AHCYL2: variants seen among roughly 807,000 people sequenced by gnomAD.
AHCYL2 encodes adenosylhomocysteinase like 2, also known as S-adenosylhomocysteine hydrolase-like protein 2.
A neutral mutation model predicts 81.4 loss-of-function variants in AHCYL2; 28 were observed. The observed-to-expected ratio is 0.34, with a 90% CI of 0.25 to 0.47. The LOEUF is 0.47. Ranked by LOEUF, AHCYL2 falls within the 20% of genes least tolerant of loss-of-function variation. The pLI, the probability that AHCYL2 is intolerant of heterozygous loss-of-function variation, is 1.00. For synonymous variants in AHCYL2, 272 were observed against 290.2 expected (o/e 0.94, Z 0.64); for missense variants, 551 against 785.1 (o/e 0.70, Z 3.56).
chr7:129,243,976 A>G (rs528544952), intron 1 of AHCYL2, among the ~76,000 whole-genome samples: 2 of 151,124 alleles, frequency 1.3e-5, no homozygotes, highest in South Asian at 2.1e-4. Flanking sequence ...ATTTTATTTT[A>G]TTTATTATTT....
At chr7:129,335,843 C>T (rs1472038875) in intron 1 of AHCYL2, among the ~76,000 whole-genome samples, 1 of 152,084 alleles carries the variant, frequency 6.6e-6, no homozygotes, top group East Asian at 1.9e-4. Flanking sequence ...GCATTACTTC[C>T]CCTGTACTGT....
intron 1 of AHCYL2, among the ~76,000 whole-genome samples, chr7:129,261,708 A>G (rs150010341): frequency 6.9e-4 from 105 of 152,192 alleles, no homozygotes; most frequent in African/African-American, 2.4e-3. Flanking sequence ...TTTTCCTTTG[A>G]AATTGAGAAA....
rs961009880 is a variant in AHCYL2, at chr7:129,225,206, C to G, written c.130C>G (p.Pro44Ala). The G allele has an allele frequency of 1.2e-5, 18 of 1,545,780 alleles. No individual in the cohort carries two copies. The highest frequency in any genetic ancestry group is 7.0e-5 in the African/African-American group (5 of 71,506). Residue 44 changes from proline (P) to alanine (A), a missense_variant, in exon 1 of 17, where the codon CCG becomes GCG. Pro to Ala is a conservative substitution (Grantham distance 27). This residue lies in a region of AHCYL2 where 235 missense variants were observed against 242.1 expected (regional missense o/e 0.97). Coordinates refer to ENST00000325006, the MANE Select transcript of AHCYL2 (RefSeq NM_015328.4). ...STAAVGAMAP[P>A]AGGGDPEAPA... is the part of the protein sequence containing the mutation. Reference sequence around the variant, plus strand: ...GGCCGCCGTGGGCGCCATGGCCCCCCCGGCGGGCGGTGGAGACCCTGAGGC... The same window carrying G: ...GGCCGCCGTGGGCGCCATGGCCCCCGCGGCGGGCGGTGGAGACCCTGAGGC...
At chr7:129,321,743 G>GTTTTTTTTTTTTTTTTTTTTTCTTTT in intron 1 of AHCYL2, among the ~76,000 whole-genome samples, 1 of 77,626 alleles carries the variant, frequency 1.3e-5, no homozygotes, top group African/African-American at 4.6e-5. Flanking sequence ...TTCTTTCTTT[G>GTTTTTTTTTTTTTTTTTTTTTCTTTT]TTTTTTTTTT....
intron 1 of AHCYL2, among the ~76,000 whole-genome samples, chr7:129,354,784 G>A (rs1272729487): frequency 6.6e-6 from 1 of 152,200 alleles, no homozygotes; most frequent in African/African-American, 2.4e-5. Flanking sequence ...ACTGCACTTA[G>A]AAGCAAAGTT....
In AHCYL2 at chr7:129,293,795, C is replaced by G. The variant is rs549662152; in HGVS notation, c.363+68356C>G. Among the ~76,000 whole-genome samples, 14 of 152,298 alleles carry G rather than the reference C, an allele frequency of 9.2e-5. No homozygotes were observed. In the South Asian group the frequency reaches 2.9e-3, roughly 32 times the overall value. On this transcript the variant is annotated intron_variant, in intron 1 of 16. Coordinates refer to ENST00000325006, the MANE Select transcript of AHCYL2 (RefSeq NM_015328.4). The stretch of plus-strand genomic sequence containing the variant: ...GTTCAAATATTTATAGCAGTAATCT[C>G]TTAACTGTCTTTTGGAATATAGTAT...
intron 1 of AHCYL2, among the ~76,000 whole-genome samples, chr7:129,347,664 T>TC (rs1281255772): frequency 1.9e-4 from 29 of 152,144 alleles, no homozygotes; most frequent in Non-Finnish European, 3.8e-4. Flanking sequence ...TTTACAGTGA[T>TC]AGTGAACAAT....
intron 1 of AHCYL2, among the ~76,000 whole-genome samples, chr7:129,226,468 T>C (rs1412788748): frequency 2.0e-5 from 3 of 152,230 alleles, no homozygotes; most frequent in Non-Finnish European, 4.4e-5. Context: ...GTAGACACAG[T>C]ATGGGCACAG....
At chr7:129,317,921 A>G (rs777332705) in intron 1 of AHCYL2, among the ~76,000 whole-genome samples, 12 of 151,842 alleles carry the variant, frequency 7.9e-5, no homozygotes, top group Non-Finnish European at 1.5e-4. Flanking sequence ...CTCTAGATAA[A>G]CAAAAATTTT....
At chr7:129,384,630 A>G (rs926726408) in intron 2 of AHCYL2, among the ~76,000 whole-genome samples, 5 of 152,196 alleles carry the variant, frequency 3.3e-5, no homozygotes, top group South Asian at 2.1e-4. Flanking sequence ...AGAGGCTTAC[A>G]TAGGCTCTAG....
intron 1 of AHCYL2, among the ~76,000 whole-genome samples, chr7:129,256,959 T>C (rs1459007269): frequency 6.6e-6 from 1 of 152,106 alleles, no homozygotes; most frequent in Non-Finnish European, 1.5e-5. Flanking sequence ...TATTGTGCTG[T>C]TGAATTGAAG....
At chr7:129,422,739 C>T (rs1156548481) in intron 12 of AHCYL2, 101 bp from the exon 13 acceptor site, 13 of 973,716 alleles carry the variant, frequency 1.3e-5, no homozygotes, top group Non-Finnish European at 2.1e-5. Context: ...ATGTTGGTTG[C>T]TCCTTTCAAC....
At chr7:129,253,069 G>T (rs984944532) in intron 1 of AHCYL2, among the ~76,000 whole-genome samples, 1 of 152,076 alleles carries the variant, frequency 6.6e-6, no homozygotes, top group African/African-American at 2.4e-5. Flanking sequence ...TTAGCCAGGT[G>T]TGGTGGCGGG....
chr7:129,330,632 G>A (rs527816417), intron 1 of AHCYL2, among the ~76,000 whole-genome samples: 78 of 151,964 alleles, frequency 5.1e-4, no homozygotes, highest in Non-Finnish European at 1.0e-3. Flanking sequence ...CACCACGCCC[G>A]GCTAATTTTT....
At chr7:129,268,740 G>T (rs1795901551) in intron 1 of AHCYL2, among the ~76,000 whole-genome samples, 1 of 152,200 alleles carries the variant, frequency 6.6e-6, no homozygotes, top group African/African-American at 2.4e-5. Flanking sequence ...AAGGCTGCCT[G>T]GTGGGCTGAA....
chr7:129,314,368 G>A (rs1797762977), intron 1 of AHCYL2, among the ~76,000 whole-genome samples: 1 of 152,176 alleles, frequency 6.6e-6, no homozygotes, highest in Admixed American at 6.5e-5. Flanking sequence ...CTCATTGACT[G>A]TAGGAATTGT....
At chr7:129,267,485 A>G (rs972707089) in intron 1 of AHCYL2, among the ~76,000 whole-genome samples, 1 of 151,852 alleles carries the variant, frequency 6.6e-6, no homozygotes. Flanking sequence ...TTGTATTTTT[A>G]GTAGAGACAG....
chr7:129,393,468 A>G (rs966200858), intron 4 of AHCYL2, among the ~76,000 whole-genome samples: 2 of 152,222 alleles, frequency 1.3e-5, no homozygotes, highest in Non-Finnish European at 2.9e-5. Flanking sequence ...AGATAGTACT[A>G]TGAAACTGTA....
At chr7:129,290,621 A>T (rs1333984341) in intron 1 of AHCYL2, among the ~76,000 whole-genome samples, 1 of 151,680 alleles carries the variant, frequency 6.6e-6, no homozygotes, top group Non-Finnish European at 1.5e-5. Flanking sequence ...CAGGTGAAAG[A>T]AAAACATGTT....
Sources: gnomAD v4.1 joint callset for allele counts (sites outside exome capture counted in the v4.1 genomes callset) on GRCh38, gnomAD v4.1.1 for gene constraint, gnomAD v4.1.1 regional missense constraint, MANE v1.5 for transcripts, NCBI Gene and HGNC (gene_info 2026-07-23, HGNC 2026-07-21) for gene names.